SLIT1: variants seen among roughly 807,000 people sequenced by gnomAD.
SLIT1 encodes slit guidance ligand 1.
In SLIT1, 66 loss-of-function variants were observed where a neutral mutation model predicts 186.1. The observed-to-expected ratio is 0.35, with a 90% CI of 0.29 to 0.44. The LOEUF (loss-of-function observed/expected upper bound fraction) is 0.44. Among genes scored for constraint, SLIT1 ranks in the 20% least tolerant of loss-of-function variants. SLIT1 has a pLI of 1.00. For missense variants in SLIT1, 1,638 were observed against 2,037.4 expected (o/e 0.80, Z 3.77); for synonymous variants, 761 against 833.8 (o/e 0.91, Z 1.50).
chr10:97,008,415 C>T (rs545544319), intron 31 of SLIT1, among the ~76,000 whole-genome samples: 2 of 152,262 alleles, frequency 1.3e-5, no homozygotes, highest in East Asian at 3.8e-4. Context: ...CAATACTGGG[C>T]CAGGCATGGT....
chr10:97,099,135 C>T (rs116609011), intron 4 of SLIT1, among the ~76,000 whole-genome samples: 487 of 117,038 alleles, frequency 4.2e-3, no homozygotes, highest in Middle Eastern at 0.013. Context: ...AGTGGAGGCG[C>T]GGGGGGTGTC....
chr10:97,021,289 G>A lies in SLIT1; in HGVS notation c.2707C>T (p.Leu903=), dbSNP rs1848500035. ...CAGPQDMEGK[L]LLTTPAKKFE... ...TTCTTGGCAGGCGTGGTGAGGAGCA[G>A]CTTGCCCTCCATGTCCTGGGGCCCA... Residue 903 remains leucine, a synonymous_variant, in exon 26 of 37, where the codon CTG becomes TTG. Coordinates refer to ENST00000266058, the MANE Select transcript of SLIT1 (RefSeq NM_003061.3). The surrounding 1 kb of genome is among the most constrained non-coding windows in gnomAD (Gnocchi z 4.5). 6.2e-7 allele frequency: 1 copy of A among 1,614,204 alleles called. No homozygotes were observed. Among genetic ancestry groups the A allele is most frequent in the Non-Finnish European group, 8.5e-7 (1 of 1,180,030 alleles).
At chr10:97,162,456 A>G (rs1192172160) in intron 3 of SLIT1, among the ~76,000 whole-genome samples, 1 of 152,156 alleles carries the variant, frequency 6.6e-6, no homozygotes, top group Non-Finnish European at 1.5e-5. Context: ...TTAAAAATAC[A>G]AAAACAATTA....
At chr10:97,154,577 G>A (rs1014508727) in intron 4 of SLIT1, 2 of 152,174 alleles carry the variant, frequency 1.3e-5, no homozygotes, top group Non-Finnish European at 2.9e-5. Context: ...TCTGGCTCTA[G>A]AGCCTAGAAA....
At chr10:97,177,387 C>T (rs1252971867) in intron 1 of SLIT1, among the ~76,000 whole-genome samples, 1 of 152,192 alleles carries the variant, frequency 6.6e-6, no homozygotes, top group Non-Finnish European at 1.5e-5. Flanking sequence ...GAGTCTGCCA[C>T]GCCGTTCCCA....
In SLIT1 at chr10:96,998,268, A is replaced by G. The variant is rs1848265566; in HGVS notation, c.*2844T>C. The stretch of plus-strand genomic sequence containing the variant: ...GATGTTGACTTTAACATATAAAAAT[A>G]CTGTAACAAAATGAAATACAAATAT... On this transcript the variant is annotated 3_prime_UTR_variant, in exon 37 of 37. Transcript: ENST00000266058. 6.6e-6 allele frequency: 1 copy of G among 152,266 alleles called. No individual in the cohort carries two copies. The highest frequency in any genetic ancestry group is 1.5e-5 in the Non-Finnish European group (1 of 68,046). The allele number at this position is 152,266 out of a possible 1,614,324, so 9.4% of individuals were successfully genotyped here.
chr10:97,065,873 C>T, intron 5 of SLIT1, 142 bp downstream of exon 5: 1 of 645,384 alleles, frequency 1.5e-6, no homozygotes, highest in East Asian at 2.8e-5. Flanking sequence ...TCCAGAAGAC[C>T]ATGCTGGCAC....
chr10:97,058,958 A>T (rs1327543320), intron 11 of SLIT1, among the ~76,000 whole-genome samples: 1 of 152,226 alleles, frequency 6.6e-6, no homozygotes, highest in Non-Finnish European at 1.5e-5. Flanking sequence ...GAAATACTGA[A>T]GGAGGAGCGG....
intron 4 of SLIT1, among the ~76,000 whole-genome samples, chr10:97,075,049 G>A (rs534580445): frequency 4.6e-5 from 7 of 152,310 alleles, no homozygotes; most frequent in South Asian, 2.1e-4. Context: ...CTGCCCACTC[G>A]GGCGCCACTG....
chr10:97,095,914 G>T (rs1285245104), intron 4 of SLIT1, among the ~76,000 whole-genome samples: 1 of 152,222 alleles, frequency 6.6e-6, no homozygotes, highest in Non-Finnish European at 1.5e-5. Context: ...AGATGGGCAG[G>T]TCTGGGGTGG....
At chr10:97,141,118 T>C (rs999658237) in intron 4 of SLIT1, among the ~76,000 whole-genome samples, 1 of 152,100 alleles carries the variant, frequency 6.6e-6, no homozygotes. Context: ...AGACCCTGGC[T>C]CCCGACGACA....
chr10:97,048,113 T>C lies in SLIT1; in HGVS notation c.1466-117A>G, dbSNP rs562074716. The C allele has an allele frequency of 2.6e-5, 28 of 1,081,192 alleles. No homozygotes were observed. In the African/African-American group the frequency reaches 3.7e-4, roughly 14 times the overall value. 67.0% of individuals were successfully genotyped at this position (1,081,192 alleles called of 1,614,324 possible). A position where few individuals can be genotyped will look rare whatever the true frequency, so the allele number is the denominator to read the frequency against. ...ACCCCAGACAGGGCTGAGGAGCCCA[T>C]CTGCCCAGTCCCTGTGTGCAGAAGG... On this transcript the variant is annotated intron_variant, in intron 14 of 36. Coordinates refer to ENST00000266058, the MANE Select transcript of SLIT1 (RefSeq NM_003061.3).
intron 25 of SLIT1, among the ~76,000 whole-genome samples, chr10:97,027,451 T>G (rs1470417920): frequency 6.6e-6 from 1 of 152,210 alleles, no homozygotes; most frequent in Non-Finnish European, 1.5e-5. Context: ...AAACCCTGGG[T>G]ATAAAGGGCA....
At chr10:97,077,817 G>A (rs770291202) in intron 4 of SLIT1, among the ~76,000 whole-genome samples, 16 of 151,896 alleles carry the variant, frequency 1.1e-4, no homozygotes, top group Non-Finnish European at 2.2e-4. Flanking sequence ...TTCAATTATC[G>A]AACTACAGTC....
chr10:97,008,140 A>T (rs1026895470), intron 31 of SLIT1, among the ~76,000 whole-genome samples: 1 of 152,248 alleles, frequency 6.6e-6, no homozygotes, highest in Non-Finnish European at 1.5e-5. Context: ...TACAGATTCC[A>T]GTAAAATGCT....
intron 4 of SLIT1, among the ~76,000 whole-genome samples, chr10:97,119,781 T>C (rs1219505100): frequency 6.6e-6 from 1 of 151,306 alleles, no homozygotes; most frequent in Non-Finnish European, 1.5e-5. Flanking sequence ...ATCAGCTAGA[T>C]CAGTCCCTTC....
intron 24 of SLIT1, among the ~76,000 whole-genome samples, chr10:97,031,069 AG>A (rs1324753549): frequency 1.3e-5 from 2 of 152,208 alleles, no homozygotes; most frequent in African/African-American, 4.8e-5. Flanking sequence ...CATTACAAAC[AG>A]GACCCGTGCA....
intron 13 of SLIT1, 108 bp from the exon 14 acceptor site, chr10:97,049,226 G>T (rs1848765959): frequency 1.0e-5 from 14 of 1,346,632 alleles, no homozygotes; most frequent in Non-Finnish European, 1.3e-5. Flanking sequence ...GCTGCCTGTG[G>T]CCTGGAGCCT....
intron 1 of SLIT1, among the ~76,000 whole-genome samples, chr10:97,181,498 G>A (rs1258690703): frequency 6.6e-6 from 1 of 152,202 alleles, no homozygotes; most frequent in Non-Finnish European, 1.5e-5. Flanking sequence ...CTCTACAGCA[G>A]GCATGGAGAT....
Sources: gnomAD v4.1 joint callset for allele counts (sites outside exome capture counted in the v4.1 genomes callset) on GRCh38, gnomAD v4.1.1 for gene constraint, Gnocchi (gnomAD v3.1) non-coding constraint, MANE v1.5 for transcripts, NCBI Gene and HGNC (gene_info 2026-07-23, HGNC 2026-07-21) for gene names.